The following PARP8 variants were observed in gnomAD, a reference collection of about 807,000 sequenced individuals.
PARP8 encodes the protein protein mono-ADP-ribosyltransferase PARP8.
In PARP8, 51 loss-of-function variants were observed where a neutral mutation model predicts 124.1. The ratio of observed to expected loss-of-function variants is 0.41; its 90% confidence interval spans 0.33 to 0.52. The LOEUF is 0.52. Ranked by LOEUF, PARP8 falls within the 20% of genes least tolerant of loss-of-function variation. The pLI is 0.21. For synonymous variants in PARP8, 391 were observed against 361.5 expected (o/e 1.08, Z -0.93); for missense variants, 860 against 1,018.9 (o/e 0.84, Z 2.12).
intron 2 of PARP8, among the ~76,000 whole-genome samples, chr5:50,724,429 C>A (rs1756212632): frequency 6.6e-6 from 1 of 151,818 alleles, no homozygotes; most frequent in South Asian, 2.1e-4. Flanking sequence ...AAAAAAAAAT[C>A]AGTTTGGTTA....
intron 2 of PARP8, among the ~76,000 whole-genome samples, chr5:50,723,769 C>T (rs1756144696): frequency 1.3e-5 from 2 of 151,980 alleles, no homozygotes; most frequent in African/African-American, 2.4e-5. Flanking sequence ...AGGCTTTTTA[C>T]TATTCTTTAT....
intron 20 of PARP8, 109 bp from the exon 21 acceptor site, chr5:50,828,203 A>G: frequency 1.6e-6 from 2 of 1,225,272 alleles, no homozygotes. Context: ...ATAATACTTG[A>G]TTTGGCAATC....
At chr5:50,797,975 T>A (rs147199156) in intron 14 of PARP8, among the ~76,000 whole-genome samples, 9 of 152,292 alleles carry the variant, frequency 5.9e-5, no homozygotes, top group Non-Finnish European at 1.0e-4. Flanking sequence ...AATTTCCGCC[T>A]CCTGTCATCC....
At chr5:50,748,925 T>C (rs1188970874) in intron 2 of PARP8, among the ~76,000 whole-genome samples, 4 of 152,226 alleles carry the variant, frequency 2.6e-5, no homozygotes, top group African/African-American at 9.6e-5. Context: ...CATTATTCTT[T>C]CTTTCTTCAG....
intron 2 of PARP8, among the ~76,000 whole-genome samples, chr5:50,706,872 T>G (rs530653598): frequency 1.3e-5 from 2 of 152,192 alleles, no homozygotes; most frequent in South Asian, 4.1e-4. Flanking sequence ...GTTAACTGAT[T>G]AGCATTACCT....
chr5:50,728,115 A>G (rs1756614901), intron 2 of PARP8, among the ~76,000 whole-genome samples: 1 of 152,218 alleles, frequency 6.6e-6, no homozygotes, highest in Admixed American at 6.5e-5. Flanking sequence ...AGACCTTGGG[A>G]GTGCCAGCAT....
chr5:50,711,825 C>T (rs1255445426), intron 2 of PARP8, among the ~76,000 whole-genome samples: 1 of 152,094 alleles, frequency 6.6e-6, no homozygotes, highest in African/African-American at 2.4e-5. Flanking sequence ...CACATCACTG[C>T]TTTACCTTTT....
Position 50,759,638 on chromosome 5 carries a change from T to TTTTTC in PARP8, c.185-5_185-4insTTTTC. 6.6e-7 allele frequency: 1 copy of TTTTTC among 1,525,424 alleles called. No homozygotes were observed. The highest frequency in any genetic ancestry group is 1.3e-5 in the South Asian group (1 of 75,236). The allele number at this position is 1,525,424 out of a possible 1,614,324, so 94.5% of individuals were successfully genotyped here. A position where few individuals can be genotyped will look rare whatever the true frequency, so the allele number is the denominator to read the frequency against. Reference sequence around the variant, plus strand: ...TTTCATTATCTTTTTTTTTTTTTTTTGCAGATAATACATATGTGTCAAGTT... The same window carrying TTTTTC: ...TTTCATTATCTTTTTTTTTTTTTTTTTTTTCGCAGATAATACATATGTGTCAAGTT... On this transcript the variant is annotated splice_region_variant and splice_polypyrimidine_tract_variant and intron_variant, in intron 3 of 25. Coordinates refer to ENST00000281631, the MANE Select transcript of PARP8 (RefSeq NM_024615.4).
chr5:50,700,208 T>A (rs1753447835), intron 2 of PARP8, among the ~76,000 whole-genome samples: 1 of 152,078 alleles, frequency 6.6e-6, no homozygotes, highest in South Asian at 2.1e-4. Context: ...TTGCACTGGT[T>A]TAGGGGTGAA....
At chr5:50,829,573 G>A (rs1435735033) in intron 21 of PARP8, among the ~76,000 whole-genome samples, 8 of 152,062 alleles carry the variant, frequency 5.3e-5, no homozygotes, top group Non-Finnish European at 1.0e-4. Context: ...ATCAGAATGC[G>A]TTACTGTGTC....
intron 8 of PARP8, 32 bp downstream of exon 8, chr5:50,778,161 G>T (rs376804637): frequency 6.3e-6 from 9 of 1,419,076 alleles, no homozygotes; most frequent in Non-Finnish European, 8.8e-6. Flanking sequence ...TATGAATGGT[G>T]CATTTAAAAT....
Position 50,825,499 on chromosome 5 carries a change from C to G in PARP8, c.1928+524C>G, listed in dbSNP as rs545975227. Among the ~76,000 whole-genome samples the G allele has an allele frequency of 3.9e-5, 6 of 152,210 alleles. No individual in the cohort carries two copies. The East Asian group carries it at 1.2e-3, about 29-fold the overall frequency. On this transcript the variant is annotated intron_variant, in intron 18 of 25. Transcript: ENST00000281631. ...GAGCCTGGTGAGGGATGTAGTGTTACCCCAGCATGAATTCTAGAAGGAGGG... is the reference window on the plus strand; with the variant it reads ...GAGCCTGGTGAGGGATGTAGTGTTAGCCCAGCATGAATTCTAGAAGGAGGG...
chr5:50,785,906 C>T (rs941508419), intron 9 of PARP8, among the ~76,000 whole-genome samples: 9 of 152,114 alleles, frequency 5.9e-5, no homozygotes, highest in African/African-American at 2.2e-4. Context: ...TCTTATATGT[C>T]ATCTTTTCAT....
At chr5:50,669,698 T>C (rs34414061) in intron 2 of PARP8, among the ~76,000 whole-genome samples, 10,228 of 152,282 alleles carry the variant, frequency 0.067, 383 homozygotes, top group Middle Eastern at 0.11. Context: ...AGGCCAGGTG[T>C]TGGGATGAAT....
chr5:50,818,000 A>C (rs1745295670), intron 15 of PARP8, among the ~76,000 whole-genome samples: 2 of 152,040 alleles, frequency 1.3e-5, no homozygotes, highest in Admixed American at 1.3e-4. Context: ...ATTTCTTTGC[A>C]TTTCCATCCT....
chr5:50,722,328 T>C lies in PARP8; in HGVS notation c.147-27823T>C, dbSNP rs146949974. On this transcript the variant is annotated intron_variant, in intron 2 of 25. Coordinates refer to ENST00000281631, the MANE Select transcript of PARP8 (RefSeq NM_024615.4). ...CAAATGTATGACTAAGGTTAAAAGA[T>C]ATGGTATATACTTCTATGTGTTTAC... is the stretch of plus-strand genomic sequence containing the variant. 3.9e-5 allele frequency among the ~76,000 whole-genome samples: 6 copies of C among 152,198 alleles called. No individual in the cohort carries two copies. The East Asian group carries it at 1.2e-3, about 29-fold the overall frequency.
chr5:50,681,737 TATC>T (rs1449042217), intron 2 of PARP8, among the ~76,000 whole-genome samples: 1 of 152,114 alleles, frequency 6.6e-6, no homozygotes, highest in Non-Finnish European at 1.5e-5. Flanking sequence ...AAAAAGCAAA[TATC>T]ATTTATTGTG....
Position 50,844,386 on chromosome 5 carries a change from A to G in PARP8, c.*2318A>G, listed in dbSNP as rs1442296303. 2 of 151,778 alleles carry G rather than the reference A, an allele frequency of 1.3e-5. No individual in the cohort carries two copies. Among genetic ancestry groups the G allele is most frequent in the African/African-American group, 4.8e-5 (2 of 41,380 alleles). The allele number at this position is 151,778 out of a possible 1,614,324, so 9.4% of individuals were successfully genotyped here. ...TGAACTTTTTGAAATTAGGGATACT[A>G]TAATAACTGATAAAGATGAATTTCT... On this transcript the variant is annotated 3_prime_UTR_variant, in exon 26 of 26. Coordinates refer to ENST00000281631, the MANE Select transcript of PARP8 (RefSeq NM_024615.4).
At chr5:50,739,139 A>T (rs1365625676) in intron 2 of PARP8, 1 of 697,092 alleles carries the variant, frequency 1.4e-6, no homozygotes, top group East Asian at 2.7e-5. Flanking sequence ...CTGAACCAAC[A>T]ACCATTGAGG....
Sources: gnomAD v4.1 joint callset for allele counts (sites outside exome capture counted in the v4.1 genomes callset) on GRCh38, gnomAD v4.1.1 for gene constraint, MANE v1.5 for transcripts, NCBI Gene and HGNC (gene_info 2026-07-23, HGNC 2026-07-21) for gene names.